Variants in AOPEP observed in about 807,000 individuals in gnomAD.
AOPEP encodes the protein aminopeptidase O (putative), also known as aminopeptidase O.
Under a neutral mutation model 98.1 loss-of-function variants are expected in AOPEP, and 77 were observed. The observed-to-expected ratio is 0.78, with a 90% CI of 0.65 to 0.95. The LOEUF (loss-of-function observed/expected upper bound fraction) is 0.95, where lower values mean the gene tolerates loss of function less well. AOPEP is among the 40% of genes least tolerant of loss of function. The pLI, the probability that AOPEP is intolerant of heterozygous loss-of-function variation, is 0.00. For synonymous variants in AOPEP, 346 were observed against 365.3 expected (o/e 0.95, Z 0.60); for missense variants, 1,024 against 1,024.7 (o/e 1.00, Z 0.01).
chr9:94,899,073 T>G, intron 5 of AOPEP, among the ~76,000 whole-genome samples: 1 of 152,136 alleles, frequency 6.6e-6, no homozygotes, highest in East Asian at 1.9e-4. Flanking sequence ...TTAAAATATT[T>G]TCTGGAGCAA....
intron 13 of AOPEP, among the ~76,000 whole-genome samples, chr9:95,021,364 A>G (rs58734486): frequency 2.0e-5 from 3 of 152,344 alleles, no homozygotes; most frequent in South Asian, 2.1e-4. Context: ...AGACTTGCAG[A>G]AAGCTTCCTC....
chr9:94,917,992 A>G (rs183957167), intron 5 of AOPEP, among the ~76,000 whole-genome samples: 2 of 151,784 alleles, frequency 1.3e-5, no homozygotes, highest in African/African-American at 2.4e-5. Flanking sequence ...CTCATTCTCT[A>G]CGGCCCTAAT....
intron 5 of AOPEP, among the ~76,000 whole-genome samples, chr9:94,889,092 C>T (rs2048582294): frequency 1.3e-5 from 2 of 152,072 alleles, no homozygotes; most frequent in African/African-American, 2.4e-5. Context: ...CTCCTGGGCT[C>T]AAGCGATTCT....
intron 13 of AOPEP, among the ~76,000 whole-genome samples, chr9:95,045,006 T>C (rs2065709274): frequency 6.6e-6 from 1 of 152,178 alleles, no homozygotes; most frequent in Admixed American, 6.5e-5. Flanking sequence ...GCCCATTTTA[T>C]ATTCATGCTC....
intron 5 of AOPEP, among the ~76,000 whole-genome samples, chr9:94,866,629 T>C (rs77972449): frequency 0.054 from 8,153 of 152,246 alleles, 746 homozygotes; most frequent in African/African-American, 0.18. Context: ...TTAGAAGAGA[T>C]TGATGATTTC....
intron 6 of AOPEP, among the ~76,000 whole-genome samples, chr9:94,926,413 G>A (rs145399514): frequency 2.0e-5 from 3 of 152,292 alleles, no homozygotes; most frequent in Non-Finnish European, 4.4e-5. Flanking sequence ...AACATGATAG[G>A]AGTCAGCCCC....
chr9:94,814,136 T>C (rs1350268802), intron 5 of AOPEP, among the ~76,000 whole-genome samples: 1 of 152,192 alleles, frequency 6.6e-6, no homozygotes, highest in East Asian at 1.9e-4. Flanking sequence ...AATCCTGAAT[T>C]GTTAATATAA....
intron 5 of AOPEP, among the ~76,000 whole-genome samples, chr9:94,850,274 T>C (rs1218988428): frequency 6.6e-6 from 1 of 152,174 alleles, no homozygotes; most frequent in African/African-American, 2.4e-5. Context: ...ATTATTAATA[T>C]GCAAAAAAAT....
At chr9:95,015,197 T>C (rs2062873757) in intron 13 of AOPEP, among the ~76,000 whole-genome samples, 1 of 152,266 alleles carries the variant, frequency 6.6e-6, no homozygotes, top group Non-Finnish European at 1.5e-5. Flanking sequence ...TTGAATTAAC[T>C]GAGTCCATTT....
intron 1 of AOPEP, among the ~76,000 whole-genome samples, chr9:94,732,680 G>A (rs1374009976): frequency 1.3e-5 from 2 of 152,114 alleles, no homozygotes; most frequent in African/African-American, 4.8e-5. Context: ...ATTTGTTTTG[G>A]TGTTTAGGAT....
chr9:94,763,122 T>C (rs1411229124), intron 2 of AOPEP: 1 of 462,636 alleles, frequency 2.2e-6, no homozygotes, highest in African/African-American at 2.0e-5. Flanking sequence ...ATTCTCATTT[T>C]ACAGGTAAGA....
At chr9:94,774,659 G>A (rs948564113) in intron 3 of AOPEP, among the ~76,000 whole-genome samples, 3 of 152,000 alleles carry the variant, frequency 2.0e-5, no homozygotes, top group African/African-American at 7.2e-5. Flanking sequence ...GATTATTTCA[G>A]TTTTTTTCCT....
At chr9:94,838,894 A>G (rs1343353906) in intron 5 of AOPEP, among the ~76,000 whole-genome samples, 4 of 148,304 alleles carry the variant, frequency 2.7e-5, no homozygotes, top group Non-Finnish European at 1.5e-5. Flanking sequence ...ATAATTAATC[A>G]CTATAAATGC....
chr9:94,743,598 C>T (rs1314704208), intron 1 of AOPEP, among the ~76,000 whole-genome samples: 1 of 151,966 alleles, frequency 6.6e-6, no homozygotes, highest in African/African-American at 2.4e-5. Context: ...TTGTTTTTTC[C>T]AATAGGAAAT....
chr9:95,000,854 C>T (rs890771135), intron 11 of AOPEP, among the ~76,000 whole-genome samples: 1 of 150,742 alleles, frequency 6.6e-6, no homozygotes, highest in Admixed American at 6.6e-5. Context: ...TCACCCTGAA[C>T]GTATGTTGGC....
chr9:94,899,431 G>C (rs192396813), intron 5 of AOPEP, among the ~76,000 whole-genome samples: 3 of 146,980 alleles, frequency 2.0e-5, no homozygotes, highest in Non-Finnish European at 4.5e-5. Flanking sequence ...TTTTTTAACC[G>C]TGCAACTGTT....
intron 3 of AOPEP, among the ~76,000 whole-genome samples, chr9:94,774,354 T>A (rs895590830): frequency 2.0e-5 from 3 of 150,782 alleles, no homozygotes; most frequent in Non-Finnish European, 4.4e-5. Flanking sequence ...TTCCACATAT[T>A]TATTATAGAA....
intron 13 of AOPEP, among the ~76,000 whole-genome samples, chr9:95,012,249 A>G (rs963646266): frequency 6.6e-6 from 1 of 152,212 alleles, no homozygotes. Context: ...TAAAGCACAC[A>G]TATCTAATTT....
chr9:94,923,689 T>C (rs894934891), intron 5 of AOPEP, among the ~76,000 whole-genome samples: 1 of 152,212 alleles, frequency 6.6e-6, no homozygotes, highest in Non-Finnish European at 1.5e-5. Context: ...AATGCTTCCA[T>C]TGCCTTGTAA....
Sources: gnomAD v4.1 joint callset for allele counts (sites outside exome capture counted in the v4.1 genomes callset) on GRCh38, gnomAD v4.1.1 for gene constraint, MANE v1.5 for transcripts, NCBI Gene and HGNC (gene_info 2026-07-23, HGNC 2026-07-21) for gene names.